Variants in DMD observed in about 807,000 individuals in gnomAD.
The protein encoded by DMD is dystrophin, also known as mutant dystrophin.
In DMD, 63 loss-of-function variants were observed where a neutral mutation model predicts 330.1. The observed-to-expected ratio is 0.19, with a 90% CI of 0.16 to 0.24. DMD has a LOEUF of 0.24. Ranked by LOEUF, DMD falls within the 10% of genes least tolerant of loss-of-function variation. The pLI is 1.00. For missense variants in DMD, 3,344 were observed against 2,684.1 expected (o/e 1.25, Z -5.43); for synonymous variants, 1,223 against 959.8 (o/e 1.27, Z -5.07).
chrX:32,997,684 C>A (rs1039787191), intron 2 of DMD, among the ~76,000 whole-genome samples: 1 of 112,301 alleles, frequency 8.9e-6, no homozygotes, highest in Non-Finnish European at 1.9e-5. Flanking sequence ...CCACTATTTG[C>A]CTGAAAACAG....
intron 4 of DMD, among the ~76,000 whole-genome samples, chrX:32,842,461 T>C (rs1361854608): frequency 1.8e-5 from 2 of 111,866 alleles, no homozygotes; most frequent in Non-Finnish European, 3.8e-5. Context: ...GCCAATGAGA[T>C]GTGGTATGTG....
In DMD at chrX:31,348,597, G is replaced by A. The variant is rs747185260; in HGVS notation, c.9122C>T (p.Ala3041Val). 1 of 1,211,022 alleles carries A rather than the reference G, an allele frequency of 8.3e-7. No individual in the cohort carries two copies. The highest frequency in any genetic ancestry group is 1.8e-5 in the South Asian group (1 of 56,734). ...VEDRVRQLHE[A>V]HRDFGPASQH... Reference sequence around the variant, plus strand: ...AGATGCTGGACCAAAGTCCCTGTGGGCTTCATGCAGCTGCCTGACTCGGTC... The same window carrying A: ...AGATGCTGGACCAAAGTCCCTGTGGACTTCATGCAGCTGCCTGACTCGGTC... The change falls in exon 61 of 79, where the codon GCC becomes GTC. Residue 3041 changes from alanine (A) to valine (V), a missense_variant. Transcript: ENST00000357033.
chrX:32,755,602 C>T (rs1449883530), intron 7 of DMD, among the ~76,000 whole-genome samples: 1 of 111,847 alleles, frequency 8.9e-6, no homozygotes, highest in African/African-American at 3.2e-5. Flanking sequence ...TTCTTGAGTT[C>T]TTAATTACAA....
chrX:31,875,268 G>T lies in DMD; in HGVS notation c.7018C>A (p.Leu2340Met), dbSNP rs1189846429. The T allele has an allele frequency of 1.7e-6, 2 of 1,155,018 alleles. No individual in the cohort carries two copies. The highest frequency in any genetic ancestry group is 1.8e-5 in the African/African-American group (1 of 54,890). ...LEDLEEQLNH[L>M]LLWLSPIRNQ... ...CTAATAGGAGATAACCACAGCAGCA[G>T]ATGATTTAACTGCTCTTCAAGGTCT... is the stretch of plus-strand genomic sequence containing the variant. Residue 2340 changes from leucine (L) to methionine (M), a missense_variant, in exon 48 of 79, where the codon CTG becomes ATG. Physicochemically the swap from Leu to Met is conservative, Grantham distance 15 (BLOSUM62 2). Transcript: ENST00000357033.
intron 4 of DMD, among the ~76,000 whole-genome samples, chrX:32,827,782 C>T (rs2078846205): frequency 9.1e-6 from 1 of 109,773 alleles, no homozygotes; most frequent in African/African-American, 3.3e-5. Flanking sequence ...CTGCCTCAGC[C>T]TCCCAAGTAG....
chrX:32,949,339 T>A (rs1316464907), intron 2 of DMD, among the ~76,000 whole-genome samples: 1 of 76,969 alleles, frequency 1.3e-5, no homozygotes, highest in Non-Finnish European at 2.4e-5. Flanking sequence ...GGTAGGTAGG[T>A]AGGTAGATAG....
chrX:32,495,484 C>T (rs1480259125), intron 19 of DMD, among the ~76,000 whole-genome samples: 1 of 111,686 alleles, frequency 9.0e-6, no homozygotes, highest in African/African-American at 3.3e-5. Flanking sequence ...AGGATGGTCA[C>T]GTTACTTACT....
intron 2 of DMD, among the ~76,000 whole-genome samples, chrX:32,875,545 G>A (rs1464938453): frequency 8.9e-6 from 1 of 112,109 alleles, no homozygotes; most frequent in East Asian, 2.8e-4. Flanking sequence ...TGTAAGCACC[G>A]AAGAATAAAT....
intron 4 of DMD, among the ~76,000 whole-genome samples, chrX:32,842,798 G>T (rs1398287034): frequency 4.8e-5 from 5 of 103,525 alleles, no homozygotes. Context: ...TGCTGTATAT[G>T]TACCAAATTA....
chrX:32,290,414 C>G (rs1347340008), intron 42 of DMD, among the ~76,000 whole-genome samples: 15 of 112,145 alleles, frequency 1.3e-4, no homozygotes, highest in African/African-American at 4.5e-4. Flanking sequence ...AAGCTCAAAC[C>G]TGTGCTTGGC....
chrX:32,776,643 C>A (rs775750161), intron 7 of DMD, among the ~76,000 whole-genome samples: 1 of 111,184 alleles, frequency 9.0e-6, no homozygotes, highest in South Asian at 3.9e-4. Context: ...ATGGGGACAA[C>A]CGCCTCCCTG....
chrX:32,691,702 C>T (rs1181136388), intron 9 of DMD, among the ~76,000 whole-genome samples: 1 of 111,492 alleles, frequency 9.0e-6, no homozygotes, highest in Non-Finnish European at 1.9e-5. Flanking sequence ...GGGATACCTG[C>T]AATGCCATGT....
At chrX:32,652,984 C>A (rs747550310) in intron 9 of DMD, among the ~76,000 whole-genome samples, 1 of 111,565 alleles carries the variant, frequency 9.0e-6, no homozygotes, top group African/African-American at 3.3e-5. Flanking sequence ...CTGTTCATAT[C>A]CTTTGCCCAC....
intron 60 of DMD, among the ~76,000 whole-genome samples, chrX:31,379,613 T>C (rs1040908859): frequency 8.9e-6 from 1 of 111,807 alleles, no homozygotes; most frequent in African/African-American, 3.3e-5. Context: ...AGGTGTACAA[T>C]AATAAAGTAG....
chrX:32,849,840 A>G lies in DMD; in HGVS notation c.94-20T>C. 1.9e-6 allele frequency: 2 copies of G among 1,050,272 alleles called. No individual in the cohort carries two copies. Among genetic ancestry groups the G allele is most frequent in the Admixed American group, 2.2e-5 (1 of 45,595 alleles). The allele number at this position is 1,050,272 out of a possible 1,213,427, so 86.6% of individuals were successfully genotyped here. ...CCCAAACTGAAATTAAAAAAAATAC[A>G]CTCAATTTAACAAAGCACACTTCCA... is the stretch of plus-strand genomic sequence containing the variant. On this transcript the variant is annotated intron_variant, in intron 2 of 78. Coordinates refer to ENST00000357033, the MANE Select transcript of DMD (RefSeq NM_004006.3).
chrX:32,976,052 C>A (rs1176941960), intron 2 of DMD, among the ~76,000 whole-genome samples: 2 of 111,373 alleles, frequency 1.8e-5, no homozygotes, highest in Non-Finnish European at 3.8e-5. Context: ...GAAACCCCAT[C>A]TCTACTAAAA....
chrX:32,517,359 A>G (rs372147453), intron 18 of DMD: 2 of 112,133 alleles, frequency 1.8e-5, no homozygotes, highest in East Asian at 2.8e-4. Context: ...CAATTTCCCT[A>G]AAGATGAAAC....
chrX:31,549,726 A>G (rs1386409081), intron 55 of DMD, among the ~76,000 whole-genome samples: 1 of 112,608 alleles, frequency 8.9e-6, no homozygotes, highest in African/African-American at 3.2e-5. Flanking sequence ...TGATTTTAAG[A>G]CAACCTAAAT....
chrX:32,765,086 G>A (rs2072808067), intron 7 of DMD, among the ~76,000 whole-genome samples: 1 of 108,869 alleles, frequency 9.2e-6, no homozygotes, highest in African/African-American at 3.3e-5. Context: ...TGGTCTTACT[G>A]GCCAAACTTT....
Sources: gnomAD v4.1 joint callset for allele counts (sites outside exome capture counted in the v4.1 genomes callset) on GRCh38, gnomAD v4.1.1 for gene constraint, MANE v1.5 for transcripts, NCBI Gene and HGNC (gene_info 2026-07-23, HGNC 2026-07-21) for gene names.